SORCS1: variants seen among roughly 807,000 people sequenced by gnomAD.
The protein encoded by SORCS1 is VPS10 domain-containing receptor SorCS1.
A neutral mutation model predicts 146.1 loss-of-function variants in SORCS1; 60 were observed. The observed-to-expected ratio is 0.41, with a 90% confidence interval of 0.33 to 0.51. The LOEUF (loss-of-function observed/expected upper bound fraction) is 0.51. Ranked by LOEUF, SORCS1 falls within the 20% of genes least tolerant of loss-of-function variation. The pLI, the probability that SORCS1 is intolerant of heterozygous loss-of-function variation, is 0.21. For missense variants in SORCS1, 1,352 were observed against 1,487.6 expected (o/e 0.91, Z 1.50); for synonymous variants, 637 against 584.0 (o/e 1.09, Z -1.31).
intron 1 of SORCS1, among the ~76,000 whole-genome samples, chr10:107,149,586 A>G (rs1161191983): frequency 1.3e-5 from 2 of 152,238 alleles, no homozygotes; most frequent in Non-Finnish European, 2.9e-5. Context: ...GAAGATAGTG[A>G]TGCTTTAAAA....
At chr10:106,626,346 G>A (rs998627866) in intron 19 of SORCS1, among the ~76,000 whole-genome samples, 1 of 152,140 alleles carries the variant, frequency 6.6e-6, no homozygotes, top group African/African-American at 2.4e-5. Flanking sequence ...AACGAGATGT[G>A]CATCTACTTG....
intron 1 of SORCS1, among the ~76,000 whole-genome samples, chr10:107,150,257 T>C (rs958450738): frequency 6.6e-6 from 1 of 152,222 alleles, no homozygotes; most frequent in African/African-American, 2.4e-5. Flanking sequence ...CGCATGCCCA[T>C]GCTAAAAATT....
chr10:107,011,949 C>A (rs565838403), intron 1 of SORCS1, among the ~76,000 whole-genome samples: 1 of 152,204 alleles, frequency 6.6e-6, no homozygotes, highest in East Asian at 1.9e-4. Context: ...ATAAGGAGAT[C>A]TTTATTTCTA....
At chr10:107,012,107 G>A (rs11816321) in intron 1 of SORCS1, among the ~76,000 whole-genome samples, 13,855 of 151,802 alleles carry the variant, frequency 0.091, 1,638 homozygotes, top group African/African-American at 0.27. Context: ...ATTTTTTTTC[G>A]TGAGTTCCTC....
chr10:106,954,730 C>T (rs868806074), intron 2 of SORCS1, among the ~76,000 whole-genome samples: 8 of 152,142 alleles, frequency 5.3e-5, no homozygotes, highest in African/African-American at 7.2e-5. Flanking sequence ...GAAGCTCCTC[C>T]GAGACCCAAT....
intron 18 of SORCS1, among the ~76,000 whole-genome samples, chr10:106,645,838 AT>A (rs1276675047): frequency 2.0e-5 from 3 of 152,146 alleles, no homozygotes; most frequent in Non-Finnish European, 4.4e-5. Flanking sequence ...CTAGGGCTTA[AT>A]TTAATAATAA....
chr10:106,942,291 C>T (rs1049795835), intron 2 of SORCS1, among the ~76,000 whole-genome samples: 2 of 152,168 alleles, frequency 1.3e-5, no homozygotes, highest in Non-Finnish European at 2.9e-5. Flanking sequence ...TTGTCCTCCT[C>T]CCACCTCCGG....
chr10:107,002,350 G>C (rs769954228), intron 1 of SORCS1, among the ~76,000 whole-genome samples: 1 of 152,198 alleles, frequency 6.6e-6, no homozygotes, highest in Non-Finnish European at 1.5e-5. Context: ...TGGAATGAGT[G>C]AATCTTCCCA....
intron 4 of SORCS1, among the ~76,000 whole-genome samples, chr10:106,775,978 T>C (rs907150206): frequency 1.3e-5 from 2 of 152,176 alleles, no homozygotes; most frequent in African/African-American, 4.8e-5. Flanking sequence ...ATGAGCTCAT[T>C]TAATCCTTTC....
chr10:106,669,670 G>A (rs764531406), intron 16 of SORCS1, among the ~76,000 whole-genome samples: 1 of 152,154 alleles, frequency 6.6e-6, no homozygotes, highest in African/African-American at 2.4e-5. Flanking sequence ...AAGTCACACT[G>A]GGGAGGCCCC....
At chr10:106,982,554 C>T (rs935740570) in intron 1 of SORCS1, among the ~76,000 whole-genome samples, 54 of 152,274 alleles carry the variant, frequency 3.5e-4, no homozygotes, top group African/African-American at 1.1e-3. Flanking sequence ...CAAACTATTA[C>T]CATTTCCAGA....
At position 106,776,673 on chromosome 10, in the gene SORCS1, G is replaced by A. The variant is rs375163054; in HGVS notation, c.746C>T (p.Pro249Leu). The change falls in exon 4 of 26, where the codon CCG becomes CTG. Residue 249 changes from proline to leucine, a missense_variant. Physicochemically the swap from Pro to Leu is moderately conservative, Grantham distance 98. This residue lies in a region of SORCS1 where 490 missense variants were observed against 489.1 expected (regional missense o/e 1.00). Transcript: ENST00000263054. Reference protein sequence around the residue: ...NKRKIMLLTDPEIESSLLISS... With the variant: ...NKRKIMLLTDLEIESSLLISS... Reference sequence around the variant, plus strand: ...GATCAATAAACTGCTCTCAATCTCCGGGTCTGTGAGTAACATTATCTGCAG... The same window carrying A: ...GATCAATAAACTGCTCTCAATCTCCAGGTCTGTGAGTAACATTATCTGCAG... The A allele has an allele frequency of 1.1e-5, 18 of 1,613,336 alleles. No homozygotes were observed. The highest frequency in any genetic ancestry group is 1.7e-4 in the Middle Eastern group (1 of 6,058).
chr10:106,623,961 A>C (rs1013568387), intron 19 of SORCS1, among the ~76,000 whole-genome samples: 1 of 152,202 alleles, frequency 6.6e-6, no homozygotes, highest in Admixed American at 6.5e-5. Context: ...CTGGGACTAC[A>C]GGCGTGAGTC....
intron 2 of SORCS1, among the ~76,000 whole-genome samples, chr10:106,927,083 C>A (rs966925819): frequency 6.6e-6 from 1 of 152,140 alleles, no homozygotes; most frequent in Non-Finnish European, 1.5e-5. Context: ...AACCTGAGTG[C>A]ATGATCCTGT....
intron 2 of SORCS1, among the ~76,000 whole-genome samples, chr10:106,838,271 T>C (rs1303645257): frequency 1.3e-5 from 2 of 152,180 alleles, no homozygotes. Flanking sequence ...TTTTTTAAAT[T>C]AATAACCTTG....
chr10:106,937,821 G>A (rs764844225), intron 2 of SORCS1, among the ~76,000 whole-genome samples: 8 of 151,892 alleles, frequency 5.3e-5, no homozygotes, highest in Non-Finnish European at 8.8e-5. Context: ...AAAATTAGCC[G>A]GACATGGTGG....
chr10:106,765,080 A>T (rs186913514), intron 4 of SORCS1, among the ~76,000 whole-genome samples: 91 of 151,662 alleles, frequency 6.0e-4, no homozygotes, highest in African/African-American at 2.1e-3. Context: ...AGCTAACATT[A>T]GTATAAATGT....
At chr10:107,084,299 G>A (rs1292108418) in intron 1 of SORCS1, among the ~76,000 whole-genome samples, 1 of 148,062 alleles carries the variant, frequency 6.8e-6, no homozygotes, top group East Asian at 2.0e-4. Flanking sequence ...GTAGAGATGT[G>A]GTTTCACCGT....
At chr10:106,629,905 G>T (rs370607289) in intron 18 of SORCS1, among the ~76,000 whole-genome samples, 1 of 152,146 alleles carries the variant, frequency 6.6e-6, no homozygotes, top group South Asian at 2.1e-4. Flanking sequence ...TTAGCTGGGC[G>T]TGGTGGCGCA....
Sources: allele counts gnomAD v4.1 joint callset (sites outside exome capture counted in the v4.1 genomes callset), GRCh38; gene constraint gnomAD v4.1.1; regional missense constraint gnomAD v4.1.1; transcripts MANE v1.5; gene names NCBI Gene and HGNC (gene_info 2026-07-23, HGNC 2026-07-21).